The following OCEL1 variants were observed in gnomAD, a reference collection of about 807,000 sequenced individuals.
The protein encoded by OCEL1 is occludin/ELL domain-containing protein 1.
A neutral mutation model predicts 29.4 loss-of-function variants in OCEL1; 24 were observed. The observed-to-expected ratio is 0.82, with a 90% CI of 0.59 to 1.15. The LOEUF (loss-of-function observed/expected upper bound fraction) is 1.15, where lower values mean the gene tolerates loss of function less well. Ranked by LOEUF, OCEL1 falls within the 50% of genes most tolerant of loss-of-function variation. The probability of loss-of-function intolerance (pLI) is 0.00; values close to 1 mark genes in which losing one functional copy is unlikely to be tolerated. For synonymous variants in OCEL1, 172 were observed against 145.3 expected (o/e 1.18, Z -1.32); for missense variants, 402 against 352.5 (o/e 1.14, Z -1.13).
chr19:17,228,098 T>C (rs534298326), intron 4 of OCEL1, 93 bp downstream of exon 4: 5 of 1,553,770 alleles, frequency 3.2e-6, no homozygotes, highest in East Asian at 4.5e-5. Flanking sequence ...TTTCCAGGAC[T>C]CTTTCTCCTC....
chr19:17,226,489 A>G (rs151261787), intron 1 of OCEL1, 173 bp downstream of exon 1: 9 of 915,640 alleles, frequency 9.8e-6, no homozygotes, highest in Middle Eastern at 6.9e-4. Flanking sequence ...GAGTTCATTT[A>G]CATAGCGCTT....
intron 4 of OCEL1, 110 bp from the exon 5 acceptor site, chr19:17,228,146 G>T: frequency 6.5e-7 from 1 of 1,531,522 alleles, no homozygotes; most frequent in South Asian, 1.1e-5. Flanking sequence ...GCTAAGGTCA[G>T]CCCTTGAAGT....
rs1349056633 is a variant in OCEL1 at position 17,226,329 on chromosome 19, G to A, written c.69+13G>A. 6.2e-6 allele frequency: 10 copies of A among 1,609,608 alleles called. No individual in the cohort carries two copies. In the African/African-American group the frequency reaches 1.2e-4, roughly 19 times the overall value. On this transcript the variant is annotated intron_variant, in intron 1 of 5. Coordinates refer to ENST00000215061, the MANE Select transcript of OCEL1 (RefSeq NM_024578.3). ...GACGCTGGGACAGGTGACCCGGGGC[G>A]GTAGCGAGCCGGACGGCCTTGCAGG...
chr19:17,227,810 C>A, intron 3 of OCEL1, 30 bp from the exon 4 acceptor site: 3 of 1,607,350 alleles, frequency 1.9e-6, no homozygotes, highest in Non-Finnish European at 1.7e-6. Context: ...GTTCTTTACA[C>A]TCACACTCTG....
At chr19:17,228,779 A>G (rs1183868717) in intron 5 of OCEL1, 24 bp from the exon 6 acceptor site, 1 of 1,609,838 alleles carries the variant, frequency 6.2e-7, no homozygotes, top group Non-Finnish European at 8.5e-7. Context: ...TGCTGCAAAG[A>G]CTTCCGGGTC....
In OCEL1 at chr19:17,228,872, C is replaced by T. The variant is rs1168784551; in HGVS notation, c.742C>T (p.Gln248Ter). 12 of 1,613,806 alleles carry T rather than the reference C, an allele frequency of 7.4e-6. No individual in the cohort carries two copies. The highest frequency in any genetic ancestry group is 1.0e-5 in the Non-Finnish European group (12 of 1,179,966). Reference protein sequence around the residue: ...LKGKLRHLKTQIQKFDDQGDS... With the variant: ...LKGKLRHLKT ...GGGTAAACTGAGGCATCTCAAGACT[C>T]AGATCCAGAAATTCGATGACCAAGG... Residue 248 changes from glutamine (Q) to a stop codon, truncating the protein, a stop_gained, in exon 6 of 6, where the codon CAG becomes TAG. Transcript: ENST00000215061. LOFTEE classifies it high-confidence loss of function.
rs202210571 is a variant in OCEL1 at position 17,227,871 on chromosome 19, C to T, written c.484C>T (p.Arg162Trp). 57 of 1,613,926 alleles carry T rather than the reference C, an allele frequency of 3.5e-5. No individual in the cohort carries two copies. In the Admixed American group the frequency reaches 3.7e-4, roughly 10 times the overall value. The change falls in exon 4 of 6, where the codon CGG becomes TGG. Residue 162 changes from arginine (R) to tryptophan (W), a missense_variant. Physicochemically the swap from Arg to Trp is moderately radical, Grantham distance 101. Coordinates refer to ENST00000215061, the MANE Select transcript of OCEL1 (RefSeq NM_024578.3). ...CCCGCCAGTGAGCAGTGAGAGGGAACGGAGCCGCTATGTCGCAGTGTTCCA... is the reference window on the plus strand; with the variant it reads ...CCCGCCAGTGAGCAGTGAGAGGGAATGGAGCCGCTATGTCGCAGTGTTCCA... ...KYPPVSSERERSRYVAVFQDQ... is the reference protein window; with the variant it reads ...KYPPVSSEREWSRYVAVFQDQ...
intron 1 of OCEL1, 149 bp from the exon 2 acceptor site, chr19:17,226,544 A>G (rs750303691): frequency 4.1e-6 from 4 of 975,292 alleles, no homozygotes; most frequent in African/African-American, 1.7e-5. Context: ...GTCGCTGCGG[A>G]CCAATCGCGT....
chr19:17,226,807 C>A lies in OCEL1; in HGVS notation c.184C>A (p.Pro62Thr). 6.3e-7 allele frequency: 1 copy of A among 1,591,504 alleles called. No individual in the cohort carries two copies. The change falls in exon 2 of 6, where the codon CCC (proline) becomes ACC (threonine). Residue 62 changes from proline to threonine, a missense_variant. Transcript: ENST00000215061. ...CCGGAGGCCGATGCCCACCCGGGAGCCCCCAAAGACTCGCGGCTCCCGGGG... is the reference window on the plus strand; with the variant it reads ...CCGGAGGCCGATGCCCACCCGGGAGACCCCAAAGACTCGCGGCTCCCGGGG... ...FSRRPMPTRE[P>T]PKTRGSRGHL...
In OCEL1 at chr19:17,226,734, C is replaced by T. The variant is rs1336833163; in HGVS notation, c.111C>T (p.Ala37=). The change falls in exon 2 of 6, where the codon GCC becomes GCT. Residue 37 remains alanine (A), a synonymous_variant. Coordinates refer to ENST00000215061, the MANE Select transcript of OCEL1 (RefSeq NM_024578.3). ...RPPPPRAGHD[A]PRRTRPSARK... is the part of the protein sequence containing the mutation. ...CCCCGCCGCGCGCGGGACACGACGCCCCCCGCAGGACCCGCCCATCAGCCC... is the reference window on the plus strand; with the variant it reads ...CCCCGCCGCGCGCGGGACACGACGCTCCCCGCAGGACCCGCCCATCAGCCC... 5 of 1,545,376 alleles carry T rather than the reference C, an allele frequency of 3.2e-6. No homozygotes were observed. In the East Asian group the frequency reaches 9.5e-5, roughly 29 times the overall value.
chr19:17,226,718 G>A lies in OCEL1; in HGVS notation c.95G>A (p.Arg32His), dbSNP rs1393393628. The change falls in exon 2 of 6, where the codon CGC becomes CAC. Residue 32 changes from arginine to histidine, a missense_variant. By Grantham distance (29) the Arg-to-His change is conservative. Transcript: ENST00000215061. ...GQAARRPPPP[R>H]AGHDAPRRTR... The stretch of plus-strand genomic sequence containing the variant: ...GCCGCCCGCAGACCACCCCCGCCGC[G>A]CGCGGGACACGACGCCCCCCGCAGG... 3.3e-6 allele frequency: 5 copies of A among 1,516,494 alleles called. No individual in the cohort carries two copies. The highest frequency in any genetic ancestry group is 4.4e-6 in the Non-Finnish European group (5 of 1,140,904). The allele number at this position is 1,516,494 out of a possible 1,614,324, so 93.9% of individuals were successfully genotyped here.
intron 3 of OCEL1, among the ~76,000 whole-genome samples, chr19:17,227,559 C>T (rs1020508118): frequency 1.3e-5 from 2 of 152,012 alleles, no homozygotes; most frequent in Non-Finnish European, 2.9e-5. Context: ...GATATAGTGG[C>T]GCATGCCTGT....
Position 17,228,935 on chromosome 19 carries a change from C to A in OCEL1, c.*10C>A. ...CTCCGTGTACTTCTAAGTGCCCCTG[C>A]AGATGGGCAGAGGGATGCATGGGGA... On this transcript the variant is annotated 3_prime_UTR_variant, in exon 6 of 6. Transcript: ENST00000215061. 1 of 1,610,574 alleles carries A rather than the reference C, an allele frequency of 6.2e-7. No individual in the cohort carries two copies. The highest frequency in any genetic ancestry group is 8.5e-7 in the Non-Finnish European group (1 of 1,178,748).
Position 17,227,221 on chromosome 19 carries a change from C to T in OCEL1, c.452+22C>T, listed in dbSNP as rs201219472. The T allele has an allele frequency of 1.1e-4, 163 of 1,466,460 alleles. No individual in the cohort carries two copies. The African/African-American group carries it at 2.1e-3, about 19-fold the overall frequency. The allele number at this position is 1,466,460 out of a possible 1,614,324, so 90.8% of individuals were successfully genotyped here. On this transcript the variant is annotated intron_variant, in intron 3 of 5. Transcript: ENST00000215061. ...AGCTGTGAGTGTCCCCCATGTGATT[C>T]TTCATGCCTGGGATCAGGAGAGGGG...
intron 3 of OCEL1, among the ~76,000 whole-genome samples, 156 bp from the exon 4 acceptor site, chr19:17,227,684 C>G (rs2073374501): frequency 6.6e-6 from 1 of 152,080 alleles, no homozygotes; most frequent in Non-Finnish European, 1.5e-5. Flanking sequence ...GAGCAAGACT[C>G]TATCTCAAAA....
In OCEL1 at chr19:17,228,949, G is replaced by T; in HGVS notation, c.*24G>T. The T allele has an allele frequency of 6.2e-7, 1 of 1,603,284 alleles. No homozygotes were observed. On this transcript the variant is annotated 3_prime_UTR_variant, in exon 6 of 6. Coordinates refer to ENST00000215061, the MANE Select transcript of OCEL1 (RefSeq NM_024578.3). Reference sequence around the variant, plus strand: ...AAGTGCCCCTGCAGATGGGCAGAGGGATGCATGGGGATGCAGGTCCCTTGC... The same window carrying T: ...AAGTGCCCCTGCAGATGGGCAGAGGTATGCATGGGGATGCAGGTCCCTTGC...
intron 1 of OCEL1, 27 bp from the exon 2 acceptor site, chr19:17,226,666 G>C: frequency 4.8e-6 from 7 of 1,445,046 alleles, no homozygotes; most frequent in Non-Finnish European, 6.3e-6. Flanking sequence ...GTCGTCAGGC[G>C]TGTCCTCTCC....
rs778320541 is a variant in OCEL1, at chr19:17,228,419, T to C, written c.672+110T>C. 4 of 1,136,208 alleles carry C rather than the reference T, an allele frequency of 3.5e-6. No individual in the cohort carries two copies. The African/African-American group carries it at 4.8e-5, about 14-fold the overall frequency. The allele number at this position is 1,136,208 out of a possible 1,614,324, so 70.4% of individuals were successfully genotyped here. On this transcript the variant is annotated intron_variant, in intron 5 of 5. Coordinates refer to ENST00000215061, the MANE Select transcript of OCEL1 (RefSeq NM_024578.3). ...TCTTTCTTTTGAGACAGAATCTCGC[T>C]CTGTCACCCAGGCGGGAGTGCAGTG...
rs758181670 is a variant in OCEL1, at chr19:17,226,771, A to T, written c.148A>T (p.Ser50Cys). Residue 50 changes from serine to cysteine, a missense_variant, in exon 2 of 6, where the codon AGC (serine) becomes TGC (cysteine). Coordinates refer to ENST00000215061, the MANE Select transcript of OCEL1 (RefSeq NM_024578.3). ...CCGCCCATCAGCCCGGAAACCCCTG[A>T]GCTGCTTCTCCCGGAGGCCGATGCC... is the stretch of plus-strand genomic sequence containing the variant. ...RTRPSARKPL[S>C]CFSRRPMPTR... The T allele has an allele frequency of 5.0e-6, 8 of 1,594,252 alleles. No homozygotes were observed. Among genetic ancestry groups the T allele is most frequent in the Non-Finnish European group, 6.0e-6 (7 of 1,174,124 alleles).
Sources: gnomAD v4.1 joint callset for allele counts (sites outside exome capture counted in the v4.1 genomes callset) on GRCh38, gnomAD v4.1.1 for gene constraint, MANE v1.5 for transcripts, NCBI Gene and HGNC (gene_info 2026-07-23, HGNC 2026-07-21) for gene names.